LIN54: variants seen among roughly 807,000 people sequenced by gnomAD.
LIN54 encodes the protein lin-54 DREAM MuvB core complex component, also known as protein lin-54 homolog.
Under a neutral mutation model 78.7 loss-of-function variants are expected in LIN54, and 9 were observed. That is an observed-to-expected ratio of 0.11 (90% CI 0.07 to 0.20). The LOEUF is 0.20. Ranked by LOEUF, LIN54 falls within the 10% of genes least tolerant of loss-of-function variation. LIN54 has a pLI of 1.00. For missense variants in LIN54, 573 were observed against 889.9 expected (o/e 0.64, Z 4.53); for synonymous variants, 269 against 318.4 (o/e 0.84, Z 1.65).
At chr4:82,929,633 C>T (rs1022466615) in intron 12 of LIN54, among the ~76,000 whole-genome samples, 1 of 151,948 alleles carries the variant, frequency 6.6e-6, no homozygotes, top group Non-Finnish European at 1.5e-5. Flanking sequence ...AGTGAGACCT[C>T]ATCTCTACCA....
intron 3 of LIN54, 26 bp downstream of exon 3, chr4:82,978,857 C>T: frequency 7.2e-7 from 1 of 1,393,384 alleles, no homozygotes; most frequent in Non-Finnish European, 9.9e-7. Context: ...AAATATTTAG[C>T]TTAATAAACT....
chr4:82,986,699 T>C (rs1347977499), intron 1 of LIN54, among the ~76,000 whole-genome samples: 4 of 59,074 alleles, frequency 6.8e-5, no homozygotes, highest in Admixed American at 2.2e-4. Flanking sequence ...CGAGACCCCA[T>C]CTCAAAAAAA....
At chr4:82,974,788 G>A (rs911168714) in intron 3 of LIN54, among the ~76,000 whole-genome samples, 1 of 151,646 alleles carries the variant, frequency 6.6e-6, no homozygotes, top group African/African-American at 2.4e-5. Context: ...GAACCCGGGA[G>A]GCACAGGTTG....
chr4:82,992,643 T>C (rs1213158893), intron 1 of LIN54, among the ~76,000 whole-genome samples: 1 of 152,152 alleles, frequency 6.6e-6, no homozygotes, highest in Admixed American at 6.5e-5. Flanking sequence ...AAGCGTCGAA[T>C]TCCCAGGCTC....
intron 11 of LIN54, among the ~76,000 whole-genome samples, chr4:82,932,039 C>T (rs1467294474): frequency 1.3e-5 from 2 of 150,014 alleles, no homozygotes; most frequent in East Asian, 3.9e-4. Flanking sequence ...TTTTATTTCT[C>T]TGAGTTAGAT....
intron 11 of LIN54, among the ~76,000 whole-genome samples, chr4:82,934,161 T>C (rs1033329380): frequency 6.6e-6 from 1 of 152,090 alleles, no homozygotes; most frequent in East Asian, 1.9e-4. Flanking sequence ...TCCCAACATT[T>C]TGGGAGGCTG....
chr4:82,996,376 C>G (rs1258538533), intron 1 of LIN54, among the ~76,000 whole-genome samples: 1 of 152,006 alleles, frequency 6.6e-6, no homozygotes, highest in Non-Finnish European at 1.5e-5. Context: ...GAATCCAGAA[C>G]ATACAATGCA....
chr4:83,011,002 C>T (rs1729827267), upstream of LIN54, among the ~76,000 whole-genome samples: 1 of 152,212 alleles, frequency 6.6e-6, no homozygotes, highest in Non-Finnish European at 1.5e-5. Context: ...CCCGCAGGGA[C>T]GCCAAAGGAA....
chr4:82,935,340 G>A (rs533868039), intron 11 of LIN54, among the ~76,000 whole-genome samples: 31 of 151,162 alleles, frequency 2.1e-4, no homozygotes, highest in Non-Finnish European at 3.8e-4. Flanking sequence ...CCAAGCTGGA[G>A]TGCAGTGCCA....
intron 4 of LIN54, among the ~76,000 whole-genome samples, chr4:82,961,010 C>T (rs956062314): frequency 1.3e-4 from 20 of 151,898 alleles, no homozygotes; most frequent in African/African-American, 4.8e-4. Flanking sequence ...CAGTGAGCCA[C>T]GATCACGCCA....
At chr4:82,937,476 C>T (rs1267583002) in intron 8 of LIN54, among the ~76,000 whole-genome samples, 178 bp from the exon 9 acceptor site, 1 of 152,096 alleles carries the variant, frequency 6.6e-6, no homozygotes, top group Non-Finnish European at 1.5e-5. Flanking sequence ...TAAATGTGTC[C>T]ATCTAAAATA....
intron 5 of LIN54, among the ~76,000 whole-genome samples, chr4:82,942,916 T>G: frequency 1.4e-5 from 2 of 143,160 alleles, no homozygotes; most frequent in Admixed American, 7.0e-5. Flanking sequence ...CCTGGCCCGG[T>G]AAAGAAAACT....
At chr4:82,988,911 G>A (rs1439374832) in intron 1 of LIN54, among the ~76,000 whole-genome samples, 4 of 151,926 alleles carry the variant, frequency 2.6e-5, no homozygotes, top group South Asian at 2.1e-4. Flanking sequence ...GGGTTTGGCC[G>A]GGCGCGGTGT....
intron 1 of LIN54, among the ~76,000 whole-genome samples, chr4:82,986,979 G>A (rs1727206081): frequency 6.6e-6 from 1 of 152,120 alleles, no homozygotes; most frequent in Non-Finnish European, 1.5e-5. Context: ...CTCCAGCTCA[G>A]GTTTTTAATA....
At chr4:82,954,934 CTCTA>C (rs1306637091) in intron 4 of LIN54, among the ~76,000 whole-genome samples, 1 of 152,134 alleles carries the variant, frequency 6.6e-6, no homozygotes, top group Non-Finnish European at 1.5e-5. Flanking sequence ...TTGAGTTTAG[CTCTA>C]TCTTTTTAGA....
intron 4 of LIN54, among the ~76,000 whole-genome samples, chr4:82,948,345 T>C (rs1723578838): frequency 6.6e-6 from 1 of 152,230 alleles, no homozygotes; most frequent in Non-Finnish European, 1.5e-5. Flanking sequence ...GAGGTAGTTA[T>C]GGCATGGCAT....
chr4:82,927,920 C>G lies in LIN54; in HGVS notation c.*182G>C. 3.5e-6 allele frequency: 2 copies of G among 574,624 alleles called. No homozygotes were observed. The highest frequency in any genetic ancestry group is 3.1e-6 in the Non-Finnish European group (1 of 325,188). The allele number at this position is 574,624 out of a possible 1,614,324, so 35.6% of individuals were successfully genotyped here. ...TTAGAAGGGGCATAAGCAGATTTAA[C>G]TAAGATTTAAAATGTACTAATTTCC... On this transcript the variant is annotated 3_prime_UTR_variant, in exon 13 of 13. Transcript: ENST00000340417.
At chr4:82,982,209 TATG>T in intron 2 of LIN54, among the ~76,000 whole-genome samples, 1 of 152,266 alleles carries the variant, frequency 6.6e-6, no homozygotes, top group Non-Finnish European at 1.5e-5. Flanking sequence ...CATTCTAATT[TATG>T]ATATCTTTTC....
intron 11 of LIN54, among the ~76,000 whole-genome samples, chr4:82,935,547 C>G (rs1445848677): frequency 1.3e-5 from 2 of 152,054 alleles, no homozygotes; most frequent in African/African-American, 2.4e-5. Flanking sequence ...CTCTGCCTCC[C>G]AAAGTGCTGG....
Sources: gnomAD v4.1 joint callset for allele counts (sites outside exome capture counted in the v4.1 genomes callset) on GRCh38, gnomAD v4.1.1 for gene constraint, MANE v1.5 for transcripts, NCBI Gene and HGNC (gene_info 2026-07-23, HGNC 2026-07-21) for gene names.